The following PCYT2 variants were observed in gnomAD, a reference collection of about 807,000 sequenced individuals.
The protein encoded by PCYT2 is ethanolamine-phosphate cytidylyltransferase.
In PCYT2, 33 loss-of-function variants were observed where a neutral mutation model predicts 50.0. The observed-to-expected ratio is 0.66, with a 90% confidence interval of 0.50 to 0.88. PCYT2 has a LOEUF of 0.88. Among genes scored for constraint, PCYT2 ranks in the 40% least tolerant of loss-of-function variants. PCYT2 has a pLI of 0.00. For missense variants in PCYT2, 430 were observed against 519.7 expected (o/e 0.83, Z 1.68); for synonymous variants, 240 against 203.7 (o/e 1.18, Z -1.52).
rs201199980 is a variant in PCYT2 at position 81,909,640 on chromosome 17, G to A, written c.90-38C>T. The A allele has an allele frequency of 1.5e-4, 230 of 1,528,000 alleles. 1 individual carries two copies. In the East Asian group the frequency reaches 4.4e-3, roughly 29 times the overall value. 94.7% of individuals were successfully genotyped at this position (1,528,000 alleles called of 1,614,324 possible). A position where few individuals can be genotyped will look rare whatever the true frequency, so the allele number is the denominator to read the frequency against. On this transcript the variant is annotated intron_variant, in intron 1 of 12. Transcript: ENST00000538936. ...AGAGAGTGGGTGGTCCCTGTGCCAA[G>A]GGTGGGGACCAGGTGTCCCTGTGGG...
In PCYT2 at chr17:81,906,118, C is replaced by T. The variant is rs2040250677; in HGVS notation, c.819G>A (p.Leu273=). ...YPIMNLHERT[L]SVLACRYVSE... ...CACTCACCCGGCAGGCCAGCACGCTCAGAGTCCGTTCATGCAGATTCATGA... is the reference window on the plus strand; with the variant it reads ...CACTCACCCGGCAGGCCAGCACGCTTAGAGTCCGTTCATGCAGATTCATGA... Residue 273 remains leucine, a synonymous_variant, in exon 9 of 13, where the codon CTG becomes CTA. Coordinates refer to ENST00000538936, the MANE Select transcript of PCYT2 (RefSeq NM_002861.5). 6.2e-7 allele frequency: 1 copy of T among 1,612,662 alleles called. No individual in the cohort carries two copies. The highest frequency in any genetic ancestry group is 1.3e-5 in the African/African-American group (1 of 75,014).
At chr17:81,908,139 G>A (rs1233528473) in intron 4 of PCYT2, among the ~76,000 whole-genome samples, 1 of 152,182 alleles carries the variant, frequency 6.6e-6, no homozygotes, top group African/African-American at 2.4e-5. Flanking sequence ...GGGCACTGGG[G>A]TAGCAGCTCT....
rs961948262 is a variant in PCYT2 at position 81,902,333 on chromosome 17, C to T, written c.*2500G>A. On this transcript the variant is annotated 3_prime_UTR_variant, in exon 13 of 13. Transcript: ENST00000538936. ...GCCCTGGCGCTGTGCCTGCTGCTGGCGCCGCCTGGCCTCGCGTGGTACAAG... is the reference window on the plus strand; with the variant it reads ...GCCCTGGCGCTGTGCCTGCTGCTGGTGCCGCCTGGCCTCGCGTGGTACAAG... 1.8e-5 allele frequency: 24 copies of T among 1,339,876 alleles called. No homozygotes were observed. Among genetic ancestry groups the T allele is most frequent in the Non-Finnish European group, 1.9e-5 (20 of 1,052,950 alleles). 83.0% of individuals were successfully genotyped at this position (1,339,876 alleles called of 1,614,324 possible).
chr17:81,911,187 C>A, intron 1 of PCYT2, 80 bp downstream of exon 1: 1 of 1,016,570 alleles, frequency 9.8e-7, no homozygotes, highest in South Asian at 4.5e-5. Flanking sequence ...CGGGCCCGGT[C>A]CCCGGGCAAC....
chr17:81,902,051 C>A lies in PCYT2; in HGVS notation c.*2782G>T. The A allele has an allele frequency of 3.4e-6, 1 of 296,186 alleles. No individual in the cohort carries two copies. Among genetic ancestry groups the A allele is most frequent in the East Asian group, 6.4e-5 (1 of 15,618 alleles). The allele number at this position is 296,186 out of a possible 1,614,324, so 18.3% of individuals were successfully genotyped here. A position where few individuals can be genotyped will look rare whatever the true frequency, so the allele number is the denominator to read the frequency against. ...AGCTTGAGGGGGCGTTGGGCTCCCA[C>A]CAAGCGCCAGATCCTTGCGCGCCTC... On this transcript the variant is annotated 3_prime_UTR_variant, in exon 13 of 13. Coordinates refer to ENST00000538936, the MANE Select transcript of PCYT2 (RefSeq NM_002861.5).
At chr17:81,911,115 G>A in intron 1 of PCYT2, 152 bp downstream of exon 1, 2 of 1,002,410 alleles carry the variant, frequency 2.0e-6, no homozygotes, top group Non-Finnish European at 2.4e-6. Flanking sequence ...GACCCTCCCG[G>A]CAGGCGAGCC....
rs1007204540 is a variant in PCYT2, at chr17:81,902,524, C to T, written c.*2309G>A. Reference sequence around the variant, plus strand: ...GCAACTGCACCCCAGGCTGCGGAGCCTCGTGAGTCCGGCGTGCCGGGGACT... The same window carrying T: ...GCAACTGCACCCCAGGCTGCGGAGCTTCGTGAGTCCGGCGTGCCGGGGACT... On this transcript the variant is annotated 3_prime_UTR_variant, in exon 13 of 13. Transcript: ENST00000538936. The T allele has an allele frequency of 2.1e-6, 3 of 1,456,038 alleles. No individual in the cohort carries two copies. In the East Asian group the frequency reaches 8.6e-5, roughly 42 times the overall value. 90.2% of individuals were successfully genotyped at this position (1,456,038 alleles called of 1,614,324 possible). A position where few individuals can be genotyped will look rare whatever the true frequency, so the allele number is the denominator to read the frequency against.
chr17:81,909,665 G>T, intron 1 of PCYT2, 63 bp from the exon 2 acceptor site: 16 of 1,280,858 alleles, frequency 1.2e-5, no homozygotes, highest in Non-Finnish European at 1.8e-5. Context: ...GTCCCTGTGG[G>T]TTAGGGGCAG....
chr17:81,907,469 C>A, intron 6 of PCYT2, 85 bp downstream of exon 6: 1 of 1,454,630 alleles, frequency 6.9e-7, no homozygotes, highest in Non-Finnish European at 9.4e-7. Flanking sequence ...CTGGGCTGGC[C>A]TTTCCCCAAG....
At position 81,902,793 on chromosome 17, in the gene PCYT2, G is replaced by A; in HGVS notation, c.*2040C>T. 6.5e-7 allele frequency: 1 copy of A among 1,549,750 alleles called. No individual in the cohort carries two copies. The highest frequency in any genetic ancestry group is 1.2e-5 in the South Asian group (1 of 83,840). ...CCGCTGGGGGCCCCCCGCCCCCACCGTCCCACTCGGTGACCCCAGGCCCCT... is the reference window on the plus strand; with the variant it reads ...CCGCTGGGGGCCCCCCGCCCCCACCATCCCACTCGGTGACCCCAGGCCCCT... On this transcript the variant is annotated 3_prime_UTR_variant, in exon 13 of 13. Transcript: ENST00000538936.
rs1371217836 is a variant in PCYT2, at chr17:81,902,257, C to A, written c.*2576G>T. The A allele has an allele frequency of 3.2e-6, 4 of 1,237,440 alleles. No individual in the cohort carries two copies. In the African/African-American group the frequency reaches 6.3e-5, roughly 19 times the overall value. 76.7% of individuals were successfully genotyped at this position (1,237,440 alleles called of 1,614,324 possible). Reference sequence around the variant, plus strand: ...TGCTCCGAGCCCGGACGCCGCCGCCCACCAGTCAGCCGGCGTCCCCATGGC... The same window carrying A: ...TGCTCCGAGCCCGGACGCCGCCGCCAACCAGTCAGCCGGCGTCCCCATGGC... On this transcript the variant is annotated 3_prime_UTR_variant, in exon 13 of 13. Coordinates refer to ENST00000538936, the MANE Select transcript of PCYT2 (RefSeq NM_002861.5).
At position 81,911,309 on chromosome 17, in the gene PCYT2, C is replaced by A; in HGVS notation, c.47G>T (p.Gly16Val). The change falls in exon 1 of 13, where the codon GGC becomes GTC. Residue 16 changes from glycine to valine, a missense_variant. This residue lies in a region of PCYT2 where 63 missense variants were observed against 37.5 expected (regional missense o/e 1.68). Coordinates refer to ENST00000538936, the MANE Select transcript of PCYT2 (RefSeq NM_002861.5). ...CCTCACGGCGCGCCTGCCCCCCGGG[C>A]CCGGCTGCTCTGCGCCGCCTGCAGC... is the stretch of plus-strand genomic sequence containing the variant. Reference protein sequence around the residue: ...RGAAGGAEQPGPGGRRAVRVW... With the variant: ...RGAAGGAEQPVPGGRRAVRVW... The A allele has an allele frequency of 1.8e-6, 2 of 1,136,524 alleles. No individual in the cohort carries two copies. Among genetic ancestry groups the A allele is most frequent in the South Asian group, 2.1e-5 (1 of 47,386 alleles). 70.4% of individuals were successfully genotyped at this position (1,136,524 alleles called of 1,614,324 possible). A position where few individuals can be genotyped will look rare whatever the true frequency, so the allele number is the denominator to read the frequency against.
chr17:81,904,753 C>G lies in PCYT2; in HGVS notation c.*80G>C. ...CCAGAGCCAGGCCAGTTAGAGAGGG[C>G]GGCCCTGCAGAGTCCTATGTCCAAA... On this transcript the variant is annotated 3_prime_UTR_variant, in exon 13 of 13. Transcript: ENST00000538936. 1.1e-6 allele frequency: 1 copy of G among 901,860 alleles called. No homozygotes were observed. The highest frequency in any genetic ancestry group is 2.6e-5 in the East Asian group (1 of 38,208). 55.9% of individuals were successfully genotyped at this position (901,860 alleles called of 1,614,324 possible).
In PCYT2 at chr17:81,911,305, CG is replaced by C; in HGVS notation, c.50del (p.Pro17ArgfsTer7). The C allele has an allele frequency of 8.8e-7, 1 of 1,138,606 alleles. No individual in the cohort carries two copies. Among genetic ancestry groups the C allele is most frequent in the Admixed American group, 3.5e-5 (1 of 28,788 alleles). The allele number at this position is 1,138,606 out of a possible 1,614,324, so 70.5% of individuals were successfully genotyped here. On this transcript the variant is annotated frameshift_variant, in exon 1 of 13. Coordinates refer to ENST00000538936, the MANE Select transcript of PCYT2 (RefSeq NM_002861.5). LOFTEE classifies it high-confidence loss of function. ...ACACCCTCACGGCGCGCCTGCCCCCCGGGCCCGGCTGCTCTGCGCCGCCTGC... is the reference window on the plus strand; with the variant it reads ...ACACCCTCACGGCGCGCCTGCCCCCCGGCCCGGCTGCTCTGCGCCGCCTGC... ...GAAGGAEQPG[P>X]GGRRAVRVWC...
chr17:81,910,719 G>A (rs1287079242), intron 1 of PCYT2, among the ~76,000 whole-genome samples: 1 of 152,256 alleles, frequency 6.6e-6, no homozygotes, highest in South Asian at 2.1e-4. Flanking sequence ...AGGGTCAGAG[G>A]TAGCAAATTA....
chr17:81,905,047 T>A lies in PCYT2; in HGVS notation c.1058+19A>T. The A allele has an allele frequency of 6.3e-7, 1 of 1,599,516 alleles. No homozygotes were observed. The highest frequency in any genetic ancestry group is 8.6e-7 in the Non-Finnish European group (1 of 1,169,260). Reference sequence around the variant, plus strand: ...GAGCGCCCATGAGGCGGCTCCGAGGTGCCCCCACCCAACTGCACCTGTTGG... The same window carrying A: ...GAGCGCCCATGAGGCGGCTCCGAGGAGCCCCCACCCAACTGCACCTGTTGG... On this transcript the variant is annotated intron_variant, in intron 12 of 12. Transcript: ENST00000538936.
At chr17:81,905,201 C>T (rs746419573) in intron 11 of PCYT2, 47 bp from the exon 12 acceptor site, 3 of 1,509,862 alleles carry the variant, frequency 2.0e-6, no homozygotes, top group South Asian at 2.3e-5. Flanking sequence ...CTGCTGACCT[C>T]CCCAAGACCC....
chr17:81,909,304 G>A (rs540097048), intron 2 of PCYT2: 2 of 1,431,746 alleles, frequency 1.4e-6, no homozygotes, highest in African/African-American at 2.9e-5. Context: ...GTGGGGAGCA[G>A]GTGCCCCTTC....
rs749628515 is a variant in PCYT2 at position 81,906,483 on chromosome 17, G to A, written c.740C>T (p.Ala247Val). Reference sequence around the variant, plus strand: ...AGTGACCTGGTCAAAGTGTAAGCCCGCGATGATGTAGGGCCTCTCTGCCAG... The same window carrying A: ...AGTGACCTGGTCAAAGTGTAAGCCCACGATGATGTAGGGCCTCTCTGCCAG... Reference protein sequence around the residue: ...HRLAERPYIIAGLHFDQEVNH... With the variant: ...HRLAERPYIIVGLHFDQEVNH... The change falls in exon 8 of 13, where the codon GCG becomes GTG. Residue 247 changes from alanine (A) to valine (V), a missense_variant. Ala to Val is a moderately conservative substitution (Grantham distance 64). Transcript: ENST00000538936. The A allele has an allele frequency of 2.0e-5, 33 of 1,613,406 alleles. No individual in the cohort carries two copies. Among genetic ancestry groups the A allele is most frequent in the Middle Eastern group, 1.7e-4 (1 of 6,060 alleles).
Sources: allele counts gnomAD v4.1 joint callset (sites outside exome capture counted in the v4.1 genomes callset), GRCh38; gene constraint gnomAD v4.1.1; regional missense constraint gnomAD v4.1.1; transcripts MANE v1.5; gene names NCBI Gene and HGNC (gene_info 2026-07-23, HGNC 2026-07-21).